TRAPPC9: variants seen among roughly 807,000 people sequenced by gnomAD.
TRAPPC9 encodes trafficking protein particle complex subunit 9.
Under a neutral mutation model 124.0 loss-of-function variants are expected in TRAPPC9, and 83 were observed. The observed-to-expected ratio is 0.67, with a 90% CI of 0.56 to 0.80. The LOEUF (loss-of-function observed/expected upper bound fraction) is 0.80, where lower values mean the gene tolerates loss of function less well. Among genes scored for constraint, TRAPPC9 ranks in the 30% least tolerant of loss-of-function variants. The pLI is 0.00. For synonymous variants in TRAPPC9, 638 were observed against 617.5 expected (o/e 1.03, Z -0.49); for missense variants, 1,302 against 1,508.3 (o/e 0.86, Z 2.27).
rs763988631 is a variant in TRAPPC9 at position 140,451,143 on chromosome 8, G to C, written c.231C>G (p.Val77=). The C allele has an allele frequency of 1.1e-5, 17 of 1,614,082 alleles. No homozygotes were observed. In the South Asian group the frequency reaches 1.8e-4, roughly 17 times the overall value. The part of the protein sequence containing the change: ...EWGDFQTHRK[V]VGLITITDCF... ...AGTCTGTGATGGTGATGAGGCCCAC[G>C]ACTTTGCGGTGGGTCTGGAAGTCAC... Residue 77 remains valine, a synonymous_variant, in exon 2 of 23, where the codon GTC becomes GTG. Coordinates refer to ENST00000438773, the MANE Select transcript of TRAPPC9 (RefSeq NM_001160372.4).
chr8:139,745,926 A>G (rs1818854899), intron 21 of TRAPPC9, among the ~76,000 whole-genome samples: 2 of 152,246 alleles, frequency 1.3e-5, no homozygotes, highest in African/African-American at 2.4e-5. Context: ...TTCACTGAAC[A>G]TTCTCAGTGA....
At chr8:139,839,184 C>T (rs1321349249) in intron 21 of TRAPPC9, among the ~76,000 whole-genome samples, 4 of 152,236 alleles carry the variant, frequency 2.6e-5, no homozygotes, top group African/African-American at 4.8e-5. Context: ...TGGGCCCAGG[C>T]ACTCGCTACT....
chr8:140,313,793 G>C (rs1588138737), intron 9 of TRAPPC9, among the ~76,000 whole-genome samples: 1 of 152,188 alleles, frequency 6.6e-6, no homozygotes, highest in South Asian at 2.1e-4. Context: ...AATTGTAAAT[G>C]ATTTTCAGCA....
At chr8:140,392,420 C>T (rs1422110909) in intron 7 of TRAPPC9, among the ~76,000 whole-genome samples, 1 of 152,172 alleles carries the variant, frequency 6.6e-6, no homozygotes, top group Non-Finnish European at 1.5e-5. Context: ...CTAGAGCAGG[C>T]CTGACTAGAA....
At chr8:139,847,123 G>A (rs1827134211) in intron 21 of TRAPPC9, among the ~76,000 whole-genome samples, 1 of 152,236 alleles carries the variant, frequency 6.6e-6, no homozygotes, top group African/African-American at 2.4e-5. Context: ...AACAGGGAAG[G>A]AAGAAGGCGC....
rs1478831224 is a variant in TRAPPC9, at chr8:139,939,944, T to C, written c.2811-29644A>G. Reference sequence around the variant, plus strand: ...GCATGCGGCTCTGCACAGCTCCAGCTCCTGATCTCTCGAGAGAACCAGAAA... The same window carrying C: ...GCATGCGGCTCTGCACAGCTCCAGCCCCTGATCTCTCGAGAGAACCAGAAA... On this transcript the variant is annotated intron_variant, in intron 19 of 22. Coordinates refer to ENST00000438773, the MANE Select transcript of TRAPPC9 (RefSeq NM_001160372.4). Among the ~76,000 whole-genome samples the C allele has an allele frequency of 2.6e-5, 4 of 152,342 alleles. No individual in the cohort carries two copies. In the East Asian group the frequency reaches 7.7e-4, roughly 29 times the overall value.
chr8:140,427,205 T>A (rs2070456263), intron 4 of TRAPPC9, among the ~76,000 whole-genome samples: 1 of 151,808 alleles, frequency 6.6e-6, no homozygotes, highest in South Asian at 2.1e-4. Flanking sequence ...CTGCCAGCTC[T>A]TCTTAAACAA....
At chr8:140,060,842 C>T (rs540909824) in intron 17 of TRAPPC9, among the ~76,000 whole-genome samples, 1 of 152,366 alleles carries the variant, frequency 6.6e-6, no homozygotes, top group East Asian at 1.9e-4. Flanking sequence ...CCCATCATGG[C>T]AGACCCAGTG....
chr8:139,822,521 C>A (rs1288252887), intron 21 of TRAPPC9, among the ~76,000 whole-genome samples: 1 of 152,092 alleles, frequency 6.6e-6, no homozygotes, highest in Non-Finnish European at 1.5e-5. Flanking sequence ...CCCTATTGTG[C>A]GGTTGAAAAG....
In TRAPPC9 at chr8:140,310,763, C is replaced by G. The variant is rs1256779393; in HGVS notation, c.1622+485G>C. Among the ~76,000 whole-genome samples, 5 of 152,128 alleles carry G rather than the reference C, an allele frequency of 3.3e-5. No homozygotes were observed. In the East Asian group the frequency reaches 5.8e-4, roughly 18 times the overall value. On this transcript the variant is annotated intron_variant, in intron 10 of 22. Transcript: ENST00000438773. Reference sequence around the variant, plus strand: ...GCATGAAGGAACAAGGGAGCACAGACAGAATGAAGCCAGGAGAGGAGAGAG... The same window carrying G: ...GCATGAAGGAACAAGGGAGCACAGAGAGAATGAAGCCAGGAGAGGAGAGAG...
intron 10 of TRAPPC9, among the ~76,000 whole-genome samples, chr8:140,305,131 G>A (rs1189647105): frequency 6.6e-6 from 1 of 152,146 alleles, no homozygotes; most frequent in East Asian, 1.9e-4. Context: ...TTGAGAGGGG[G>A]GCTCTTGTAG....
At chr8:139,868,808 G>A (rs1481550280) in intron 21 of TRAPPC9, among the ~76,000 whole-genome samples, 7 of 152,136 alleles carry the variant, frequency 4.6e-5, no homozygotes, top group Non-Finnish European at 8.8e-5. Flanking sequence ...CAACAAATCC[G>A]TCCTGCATGG....
intron 2 of TRAPPC9, among the ~76,000 whole-genome samples, chr8:140,442,606 A>C (rs1007619894): frequency 2.0e-5 from 3 of 152,012 alleles, no homozygotes; most frequent in Non-Finnish European, 4.4e-5. Context: ...AAAAAAAAAA[A>C]AAAAAGAAGA....
intron 6 of TRAPPC9, among the ~76,000 whole-genome samples, chr8:140,404,786 T>G (rs557057107): frequency 1.0e-4 from 15 of 149,912 alleles, no homozygotes; most frequent in African/African-American, 3.7e-4. Context: ...GTGAGCATGC[T>G]TGTATGTATG....
At chr8:139,801,885 A>G (rs4736002) in intron 21 of TRAPPC9, among the ~76,000 whole-genome samples, 21,546 of 152,028 alleles carry the variant, frequency 0.14, 1,803 homozygotes, top group East Asian at 0.27. Context: ...CCTCTCGGTA[A>G]CCTCCTAATC....
At chr8:140,321,739 G>A (rs563574452) in intron 9 of TRAPPC9, among the ~76,000 whole-genome samples, 7 of 152,136 alleles carry the variant, frequency 4.6e-5, no homozygotes, top group Admixed American at 2.6e-4. Flanking sequence ...ATTCTCCAAC[G>A]CCTCCTGCAG....
At chr8:140,111,457 G>A (rs1466327532) in intron 17 of TRAPPC9, among the ~76,000 whole-genome samples, 4 of 152,142 alleles carry the variant, frequency 2.6e-5, no homozygotes, top group East Asian at 1.9e-4. Context: ...CATGGTGGGG[G>A]GAAGCAGGAG....
intron 21 of TRAPPC9, among the ~76,000 whole-genome samples, chr8:139,778,164 AACAC>A (rs146077374): frequency 3.3e-5 from 5 of 151,536 alleles, no homozygotes; most frequent in Non-Finnish European, 5.9e-5. Context: ...CCATCAGTCA[AACAC>A]ACACACACAC....
At chr8:140,132,782 G>C (rs964623066) in intron 17 of TRAPPC9, among the ~76,000 whole-genome samples, 1 of 119,004 alleles carries the variant, frequency 8.4e-6, no homozygotes, top group East Asian at 2.1e-4. Flanking sequence ...CTTCCAAGAG[G>C]AGGCCAAGTC....
Sources: allele counts gnomAD v4.1 joint callset (sites outside exome capture counted in the v4.1 genomes callset), GRCh38; gene constraint gnomAD v4.1.1; transcripts MANE v1.5; gene names NCBI Gene and HGNC (gene_info 2026-07-23, HGNC 2026-07-21).